The following CMPK1 variants were observed in gnomAD, a reference collection of about 807,000 sequenced individuals.
The protein encoded by CMPK1 is UMP-CMP kinase.
Under a neutral mutation model 25.7 loss-of-function variants are expected in CMPK1, and 10 were observed. The observed-to-expected ratio is 0.39, with a 90% CI of 0.24 to 0.66. CMPK1 has a LOEUF of 0.66. Among genes scored for constraint, CMPK1 ranks in the 30% least tolerant of loss-of-function variants. The pLI, the probability that CMPK1 is intolerant of heterozygous loss-of-function variation, is 0.48. For synonymous variants in CMPK1, 106 were observed against 101.5 expected, an observed-to-expected ratio of 1.04 and a Z score of -0.27; for missense variants, 199 against 280.5, an observed-to-expected ratio of 0.71 and a Z score of 2.08.
intron 5 of CMPK1, 136 bp from the exon 6 acceptor site, chr1:47,376,568 G>C (rs768881736): frequency 2.1e-6 from 1 of 474,596 alleles, no homozygotes; most frequent in East Asian, 3.7e-5. Flanking sequence ...TGCCCGCCTC[G>C]ACCTCCCAAA....
At chr1:47,354,517 G>C (rs948758173) in intron 1 of CMPK1, among the ~76,000 whole-genome samples, 1 of 151,018 alleles carries the variant, frequency 6.6e-6, no homozygotes, top group Non-Finnish European at 1.5e-5. Context: ...TTTTGCGTGC[G>C]TGCCTTTCTG....
chr1:47,370,067 A>G (rs1312885827), intron 2 of CMPK1, among the ~76,000 whole-genome samples: 1 of 151,568 alleles, frequency 6.6e-6, no homozygotes, highest in Non-Finnish European at 1.5e-5. Flanking sequence ...GGCGCCCGCC[A>G]TCAAGCCTGG....
At chr1:47,351,106 C>T (rs755623345) in intron 1 of CMPK1, among the ~76,000 whole-genome samples, 10 of 151,432 alleles carry the variant, frequency 6.6e-5, no homozygotes, top group Admixed American at 2.0e-4. Context: ...TTGTTTGTGA[C>T]GGAGTCTCGC....
chr1:47,342,653 T>C (rs1478317929), intron 1 of CMPK1, among the ~76,000 whole-genome samples: 1 of 144,888 alleles, frequency 6.9e-6, no homozygotes, highest in African/African-American at 2.5e-5. Context: ...TTTTTTCTTT[T>C]TTTTTTTTTT....
intron 2 of CMPK1, among the ~76,000 whole-genome samples, chr1:47,370,763 CCCAT>C (rs1189435301): frequency 6.8e-6 from 1 of 147,776 alleles, no homozygotes; most frequent in Non-Finnish European, 1.5e-5. Flanking sequence ...ATGGTGAAAC[CCCAT>C]CTCTACTAAA....
intron 2 of CMPK1, among the ~76,000 whole-genome samples, chr1:47,371,801 CCTAA>C (rs1283219300): frequency 3.9e-5 from 6 of 152,140 alleles, no homozygotes; most frequent in Non-Finnish European, 7.3e-5. Context: ...TTTTTAACTA[CCTAA>C]CTACTAGGCC....
intron 1 of CMPK1, among the ~76,000 whole-genome samples, chr1:47,352,038 G>C (rs1345830795): frequency 6.6e-6 from 1 of 152,186 alleles, no homozygotes; most frequent in African/African-American, 2.4e-5. Flanking sequence ...TAGGGAGGCT[G>C]AGGCAGGAGA....
At chr1:47,368,435 A>T (rs190292865) in intron 1 of CMPK1, 34 bp from the exon 2 acceptor site, 31 of 1,561,724 alleles carry the variant, frequency 2.0e-5, no homozygotes, top group Admixed American at 5.7e-5. Context: ...GGTTGAATGA[A>T]TTCTGATATT....
intron 1 of CMPK1, among the ~76,000 whole-genome samples, chr1:47,362,648 G>A (rs1646611705): frequency 1.3e-5 from 2 of 152,216 alleles, no homozygotes; most frequent in African/African-American, 4.8e-5. Context: ...ATTAGAAAAA[G>A]AAACATGCTT....
chr1:47,338,696 A>C (rs1164367599), intron 1 of CMPK1, among the ~76,000 whole-genome samples: 1 of 151,262 alleles, frequency 6.6e-6, no homozygotes, highest in Non-Finnish European at 1.5e-5. Flanking sequence ...ATCCTCTAAT[A>C]CTGAATTTGT....
chr1:47,353,218 A>G (rs1348459714), intron 1 of CMPK1, among the ~76,000 whole-genome samples: 1 of 152,224 alleles, frequency 6.6e-6, no homozygotes, highest in African/African-American at 2.4e-5. Flanking sequence ...TTAAACTCAA[A>G]TGTCTGGAGT....
At chr1:47,343,086 A>G (rs1646453677) in intron 1 of CMPK1, among the ~76,000 whole-genome samples, 1 of 150,950 alleles carries the variant, frequency 6.6e-6, no homozygotes, top group South Asian at 2.1e-4. Context: ...TCCCGGATTC[A>G]AGCAATTCTT....
intron 1 of CMPK1, among the ~76,000 whole-genome samples, chr1:47,361,130 C>T (rs531533017): frequency 1.3e-5 from 2 of 152,262 alleles, no homozygotes; most frequent in South Asian, 2.1e-4. Context: ...GTGGCTCACA[C>T]CTGTAATCCC....
At chr1:47,373,593 C>A (rs540201466) in intron 3 of CMPK1, 2 of 152,376 alleles carry the variant, frequency 1.3e-5, no homozygotes, top group Non-Finnish European at 2.9e-5. Flanking sequence ...GTCAGGAGTT[C>A]AAGACCGGCC....
chr1:47,370,980 A>AAATG (rs1431276324), intron 2 of CMPK1, among the ~76,000 whole-genome samples: 1 of 151,510 alleles, frequency 6.6e-6, no homozygotes, highest in Non-Finnish European at 1.5e-5. Flanking sequence ...ATAAATAAAT[A>AAATG]AATGTCACAT....
At chr1:47,337,774 G>A (rs186576465) in intron 1 of CMPK1, among the ~76,000 whole-genome samples, 6 of 151,986 alleles carry the variant, frequency 3.9e-5, no homozygotes, top group Admixed American at 1.3e-4. Context: ...CACCATGCCC[G>A]GCTAATTTTT....
intron 1 of CMPK1, among the ~76,000 whole-genome samples, chr1:47,367,213 A>G (rs1646645311): frequency 6.6e-6 from 1 of 152,184 alleles, no homozygotes; most frequent in Admixed American, 6.5e-5. Context: ...ACAGAGAGAC[A>G]TGGATGATAT....
intron 1 of CMPK1, among the ~76,000 whole-genome samples, chr1:47,343,995 G>T (rs1646464101): frequency 6.6e-6 from 1 of 151,006 alleles, no homozygotes; most frequent in Non-Finnish European, 1.5e-5. Flanking sequence ...CTGAGAAAGA[G>T]AATTCAAGGC....
At chr1:47,358,580 T>G (rs1557809586) in intron 1 of CMPK1, 1 of 998,870 alleles carries the variant, frequency 1.0e-6, no homozygotes, top group Non-Finnish European at 1.2e-6. Flanking sequence ...ATTAAACAAA[T>G]TACCCACTGT....
Sources: gnomAD v4.1 joint callset for allele counts (sites outside exome capture counted in the v4.1 genomes callset) on GRCh38, gnomAD v4.1.1 for gene constraint, MANE v1.5 for transcripts, NCBI Gene and HGNC (gene_info 2026-07-23, HGNC 2026-07-21) for gene names.